LRRC4C: variants seen among roughly 807,000 people sequenced by gnomAD.
LRRC4C encodes leucine rich repeat containing 4C.
Under a neutral mutation model 33.6 loss-of-function variants are expected in LRRC4C, and 5 were observed. The observed-to-expected ratio is 0.15, with a 90% CI of 0.08 to 0.31. LRRC4C has a LOEUF of 0.31. Ranked by LOEUF, LRRC4C falls within the 10% of genes least tolerant of loss-of-function variation. The probability of loss-of-function intolerance (pLI) is 1.00; values close to 1 mark genes in which losing one functional copy is unlikely to be tolerated. For missense variants in LRRC4C, 560 were observed against 796.7 expected (o/e 0.70, Z 3.58); for synonymous variants, 329 against 302.0 (o/e 1.09, Z -0.93).
At chr11:41,172,368 A>G (rs1050382096) in intron 1 of LRRC4C, among the ~76,000 whole-genome samples, 9 of 152,186 alleles carry the variant, frequency 5.9e-5, no homozygotes, top group Admixed American at 6.5e-5. Context: ...ACAAGGCCAT[A>G]TGCTTTTGAA....
At chr11:41,304,830 C>A (rs1419105615) in intron 1 of LRRC4C, among the ~76,000 whole-genome samples, 4 of 107,684 alleles carry the variant, frequency 3.7e-5, no homozygotes, top group Non-Finnish European at 5.8e-5. Flanking sequence ...GGGGGTCAGC[C>A]CCCCGCCCGG....
chr11:40,551,965 A>G (rs1052749675), intron 3 of LRRC4C, among the ~76,000 whole-genome samples: 3 of 152,232 alleles, frequency 2.0e-5, no homozygotes, highest in Non-Finnish European at 4.4e-5. Context: ...CCACAATATG[A>G]GTGATCCTCA....
At chr11:40,245,905 G>A (rs1225354600) in intron 4 of LRRC4C, among the ~76,000 whole-genome samples, 2 of 150,680 alleles carry the variant, frequency 1.3e-5, no homozygotes, top group African/African-American at 4.9e-5. Context: ...TTCAACTTTA[G>A]GTATTTGAGA....
intron 1 of LRRC4C, among the ~76,000 whole-genome samples, chr11:41,432,317 G>A (rs995602840): frequency 2.6e-5 from 4 of 152,102 alleles, no homozygotes; most frequent in South Asian, 2.1e-4. Flanking sequence ...ACAGGTTTCC[G>A]TGGGAGAGGT....
At chr11:40,225,744 G>A (rs966422247) in intron 5 of LRRC4C, among the ~76,000 whole-genome samples, 11 of 151,688 alleles carry the variant, frequency 7.3e-5, no homozygotes, top group African/African-American at 2.7e-4. Context: ...AGCCTCCCAA[G>A]TAGCTGGGAT....
chr11:40,743,943 T>C (rs532621490), intron 2 of LRRC4C, among the ~76,000 whole-genome samples: 72 of 152,298 alleles, frequency 4.7e-4, no homozygotes, highest in Admixed American at 8.5e-4. Context: ...CTTTGCATTG[T>C]AACTTCTATT....
intron 3 of LRRC4C, among the ~76,000 whole-genome samples, chr11:40,599,623 A>C (rs1959767128): frequency 6.6e-6 from 1 of 152,128 alleles, no homozygotes; most frequent in Non-Finnish European, 1.5e-5. Flanking sequence ...TGAATGCTGG[A>C]TGAGGGCAGA....
chr11:41,238,799 T>C (rs918417321), intron 1 of LRRC4C, among the ~76,000 whole-genome samples: 16 of 152,090 alleles, frequency 1.1e-4, no homozygotes, highest in African/African-American at 3.1e-4. Flanking sequence ...AAACAAATAA[T>C]AGCATTCAAC....
chr11:40,197,043 T>A (rs1053583658), intron 5 of LRRC4C, among the ~76,000 whole-genome samples: 1 of 152,180 alleles, frequency 6.6e-6, no homozygotes, highest in African/African-American at 2.4e-5. Context: ...ACCAAATAGG[T>A]AAAACAGAAA....
chr11:40,836,066 C>T (rs1275625698), intron 2 of LRRC4C, among the ~76,000 whole-genome samples: 1 of 152,092 alleles, frequency 6.6e-6, no homozygotes, highest in Admixed American at 6.6e-5. Flanking sequence ...ATTGAATAAT[C>T]TAAGATGGAA....
intron 1 of LRRC4C, among the ~76,000 whole-genome samples, chr11:41,405,162 A>G (rs192840351): frequency 6.6e-6 from 1 of 152,278 alleles, no homozygotes; most frequent in Admixed American, 6.5e-5. Context: ...GAATAAACAT[A>G]CAGTAACTGT....
chr11:40,721,419 TGAGAA>T (rs1947007314), intron 2 of LRRC4C, among the ~76,000 whole-genome samples: 1 of 152,154 alleles, frequency 6.6e-6, no homozygotes, highest in Non-Finnish European at 1.5e-5. Context: ...TCCAGAACTG[TGAGAA>T]GTAAATGTTT....
intron 1 of LRRC4C, among the ~76,000 whole-genome samples, chr11:41,010,580 T>C (rs1855098082): frequency 6.6e-6 from 1 of 152,196 alleles, no homozygotes; most frequent in Non-Finnish European, 1.5e-5. Context: ...GAAACAATGC[T>C]GTGCCTGAGA....
At chr11:41,242,258 T>A (rs535307192) in intron 1 of LRRC4C, among the ~76,000 whole-genome samples, 42 of 152,162 alleles carry the variant, frequency 2.8e-4, no homozygotes, top group Admixed American at 2.7e-3. Flanking sequence ...TGAATTATTA[T>A]CTCCAGGGGA....
intron 1 of LRRC4C, among the ~76,000 whole-genome samples, chr11:40,965,190 A>G (rs1402231042): frequency 6.6e-6 from 1 of 152,052 alleles, no homozygotes; most frequent in Non-Finnish European, 1.5e-5. Flanking sequence ...GTCTGTTCAT[A>G]TCCTTCGCCC....
At chr11:41,015,453 T>C (rs1471358187) in intron 1 of LRRC4C, among the ~76,000 whole-genome samples, 3 of 152,046 alleles carry the variant, frequency 2.0e-5, no homozygotes, top group African/African-American at 7.2e-5. Context: ...CTCAGCCTCC[T>C]GAGTAGCTGG....
intron 1 of LRRC4C, among the ~76,000 whole-genome samples, chr11:41,192,322 A>ATGTGTGTG (rs112844436): frequency 7.3e-4 from 107 of 146,240 alleles, no homozygotes; most frequent in East Asian, 2.3e-3. Flanking sequence ...CATGAATTAA[A>ATGTGTGTG]TGTGTGTGTG....
chr11:40,222,040 T>G (rs1864459481), intron 5 of LRRC4C, among the ~76,000 whole-genome samples: 1 of 152,136 alleles, frequency 6.6e-6, no homozygotes, highest in Non-Finnish European at 1.5e-5. Context: ...TACAAATAGC[T>G]TATTTTTTCC....
At chr11:41,278,436 TTAAG>T (rs757872204) in intron 1 of LRRC4C, among the ~76,000 whole-genome samples, 5 of 152,222 alleles carry the variant, frequency 3.3e-5, no homozygotes, top group African/African-American at 7.2e-5. Context: ...ATCGATGACA[TTAAG>T]TGAGGACTTA....
Sources: allele counts gnomAD v4.1 joint callset (sites outside exome capture counted in the v4.1 genomes callset), GRCh38; gene constraint gnomAD v4.1.1; transcripts MANE v1.5; gene names NCBI Gene and HGNC (gene_info 2026-07-23, HGNC 2026-07-21).